Variants in GAREM1 observed in about 807,000 individuals in gnomAD.
The protein encoded by GAREM1 is GRB2-associated and regulator of MAPK protein 1.
In GAREM1, 26 loss-of-function variants were observed where a neutral mutation model predicts 71.3. That is an observed-to-expected ratio of 0.36 (90% confidence interval 0.27 to 0.51). The LOEUF (loss-of-function observed/expected upper bound fraction) is 0.51, where lower values mean the gene tolerates loss of function less well. GAREM1 is among the 20% of genes least tolerant of loss of function. GAREM1 has a pLI of 0.95. For synonymous variants in GAREM1, 440 were observed against 433.2 expected, an observed-to-expected ratio of 1.02 and a Z score of -0.20; for missense variants, 1,026 against 1,103.1, an observed-to-expected ratio of 0.93 and a Z score of 0.99.
intron 2 of GAREM1, among the ~76,000 whole-genome samples, chr18:32,368,032 C>A (rs544373218): frequency 6.8e-6 from 1 of 147,518 alleles, no homozygotes; most frequent in African/African-American, 2.5e-5. Flanking sequence ...CCGTGCTTAC[C>A]CCCCTTTCTT....
Position 32,264,056 on chromosome 18 carries a change from G to A in GAREM1, c.*3815C>T, listed in dbSNP as rs889623861. ...AAATTTTAAAACACCAAGTTTTAAA[G>A]ACTGAACAGTGTGATTTAACATGAT... On this transcript the variant is annotated 3_prime_UTR_variant, in exon 6 of 6. Coordinates refer to ENST00000269209, the MANE Select transcript of GAREM1 (RefSeq NM_001242409.2). 6 of 152,168 alleles carry A rather than the reference G, an allele frequency of 3.9e-5. No homozygotes were observed. Among genetic ancestry groups the A allele is most frequent in the Non-Finnish European group, 7.4e-5 (5 of 68,024 alleles). The allele number at this position is 152,168 out of a possible 1,614,324, so 9.4% of individuals were successfully genotyped here. A position where few individuals can be genotyped will look rare whatever the true frequency, so the allele number is the denominator to read the frequency against.
At chr18:32,402,825 T>C (rs2048327824) in intron 1 of GAREM1, among the ~76,000 whole-genome samples, 1 of 152,040 alleles carries the variant, frequency 6.6e-6, no homozygotes, top group Admixed American at 6.6e-5. Flanking sequence ...TTACTGAGGG[T>C]CAATTATGTT....
intron 1 of GAREM1, among the ~76,000 whole-genome samples, chr18:32,411,020 C>T (rs946099195): frequency 1.3e-5 from 2 of 152,154 alleles, no homozygotes; most frequent in Non-Finnish European, 2.9e-5. Context: ...CCAGGCTGGT[C>T]TCGAACTCCT....
intron 1 of GAREM1, among the ~76,000 whole-genome samples, chr18:32,420,333 TA>T (rs1317971403): frequency 6.6e-6 from 1 of 151,718 alleles, no homozygotes; most frequent in African/African-American, 2.4e-5. Context: ...CCAAAATGAC[TA>T]TATTAGGGAC....
At chr18:32,333,800 G>A (rs1339694875) in intron 2 of GAREM1, among the ~76,000 whole-genome samples, 1 of 152,130 alleles carries the variant, frequency 6.6e-6, no homozygotes, top group Non-Finnish European at 1.5e-5. Context: ...TTCCTCCTCA[G>A]TTTTGGAAAT....
chr18:32,308,693 C>T (rs1204563495), intron 3 of GAREM1, among the ~76,000 whole-genome samples: 2 of 150,038 alleles, frequency 1.3e-5, no homozygotes, highest in Non-Finnish European at 3.0e-5. Flanking sequence ...TGCAAGCTGT[C>T]TTGACTGCTC....
rs146780937 is a variant in GAREM1, at chr18:32,461,676, C to A, written c.121+8632G>T. On this transcript the variant is annotated intron_variant, in intron 1 of 5. Coordinates refer to ENST00000269209, the MANE Select transcript of GAREM1 (RefSeq NM_001242409.2). ...CACCACTGCACTCCAGTCTGAGGGA[C>A]AGAGCAAGACTCTGTCTCAAAAAAT... Among the ~76,000 whole-genome samples the A allele has an allele frequency of 2.4e-3, 363 of 152,182 alleles. 2 individuals carry two copies. The highest frequency in any genetic ancestry group is 8.2e-3 in the African/African-American group (341 of 41,496).
intron 1 of GAREM1, among the ~76,000 whole-genome samples, chr18:32,448,912 A>G (rs942411341): frequency 2.6e-5 from 4 of 152,150 alleles, no homozygotes; most frequent in Admixed American, 6.6e-5. Context: ...TTATTTCAAT[A>G]GCGGGATCAG....
At chr18:32,428,484 TAA>T (rs1304552448) in intron 1 of GAREM1, among the ~76,000 whole-genome samples, 1 of 152,090 alleles carries the variant, frequency 6.6e-6, no homozygotes, top group East Asian at 1.9e-4. Context: ...TCTGGTTGTT[TAA>T]AAGTGTGTAG....
chr18:32,413,695 T>C (rs986502961), intron 1 of GAREM1, among the ~76,000 whole-genome samples: 1 of 152,066 alleles, frequency 6.6e-6, no homozygotes, highest in African/African-American at 2.4e-5. Context: ...CTCTGTTAAG[T>C]AGGGTGCAAC....
chr18:32,457,770 A>T (rs1599062734), intron 1 of GAREM1, among the ~76,000 whole-genome samples: 1 of 152,214 alleles, frequency 6.6e-6, no homozygotes, highest in Admixed American at 6.5e-5. Context: ...ATTATTTTTT[A>T]TTATACTTTT....
chr18:32,282,888 G>A (rs1357344755), intron 4 of GAREM1, among the ~76,000 whole-genome samples: 1 of 152,224 alleles, frequency 6.6e-6, no homozygotes, highest in East Asian at 1.9e-4. Flanking sequence ...CTTTTGTAGA[G>A]TACATCTGGG....
chr18:32,360,797 C>T (rs746843605), intron 2 of GAREM1, among the ~76,000 whole-genome samples: 2 of 152,128 alleles, frequency 1.3e-5, no homozygotes, highest in Non-Finnish European at 2.9e-5. Flanking sequence ...TCATTTTCTG[C>T]GATCTCACTC....
chr18:32,379,532 C>T (rs2048072158), intron 2 of GAREM1, among the ~76,000 whole-genome samples: 1 of 144,222 alleles, frequency 6.9e-6, no homozygotes, highest in South Asian at 2.2e-4. Flanking sequence ...TGGTGAAATC[C>T]CATCTCTACT....
At chr18:32,325,786 C>T (rs1177811088) in intron 2 of GAREM1, among the ~76,000 whole-genome samples, 1 of 152,172 alleles carries the variant, frequency 6.6e-6, no homozygotes, top group Middle Eastern at 3.2e-3. Flanking sequence ...ACTTTGGTTG[C>T]ATCATATCCT....
At chr18:32,441,272 T>C (rs980158386) in intron 1 of GAREM1, among the ~76,000 whole-genome samples, 2 of 152,164 alleles carry the variant, frequency 1.3e-5, no homozygotes, top group Non-Finnish European at 2.9e-5. Flanking sequence ...TAAAATTCAT[T>C]TAAGAATTTG....
rs1297061553 is a variant in GAREM1 at position 32,264,181 on chromosome 18, C to G, written c.*3690G>C. The G allele has an allele frequency of 6.6e-6, 1 of 152,126 alleles. No homozygotes were observed. The highest frequency in any genetic ancestry group is 3.2e-3 in the Middle Eastern group (1 of 314). 9.4% of individuals were successfully genotyped at this position (152,126 alleles called of 1,614,324 possible). On this transcript the variant is annotated 3_prime_UTR_variant, in exon 6 of 6. Transcript: ENST00000269209. Reference sequence around the variant, plus strand: ...CTTTTATTCTTCTTGCTCAAGCAGCCTGGTGCCTTTAGGTAACTTGAAAGA... The same window carrying G: ...CTTTTATTCTTCTTGCTCAAGCAGCGTGGTGCCTTTAGGTAACTTGAAAGA...
At chr18:32,400,109 T>C (rs2048298263) in intron 1 of GAREM1, among the ~76,000 whole-genome samples, 1 of 152,222 alleles carries the variant, frequency 6.6e-6, no homozygotes, top group Non-Finnish European at 1.5e-5. Context: ...CTGGGAAAAC[T>C]GGCTAGCCAT....
At position 32,467,483 on chromosome 18, in the gene GAREM1, G is replaced by A. The variant is rs574321012; in HGVS notation, c.121+2825C>T. On this transcript the variant is annotated intron_variant, in intron 1 of 5. Coordinates refer to ENST00000269209, the MANE Select transcript of GAREM1 (RefSeq NM_001242409.2). The stretch of plus-strand genomic sequence containing the variant: ...TTACTAGGTACGAGTCTTCAGGCAA[G>A]TCAATTTTTCTGAATCTTAGGTTCC... Among the ~76,000 whole-genome samples, 38 of 152,274 alleles carry A rather than the reference G, an allele frequency of 2.5e-4. 1 individual carries two copies. Among genetic ancestry groups the A allele is most frequent in the African/African-American group, 8.2e-4 (34 of 41,562 alleles).
Sources: allele counts gnomAD v4.1 joint callset (sites outside exome capture counted in the v4.1 genomes callset), GRCh38; gene constraint gnomAD v4.1.1; transcripts MANE v1.5; gene names NCBI Gene and HGNC (gene_info 2026-07-23, HGNC 2026-07-21).